Variants in EXOC3L1 observed in about 807,000 individuals in gnomAD.
The protein encoded by EXOC3L1 is exocyst complex component 3 like 1.
Under a neutral mutation model 83.6 loss-of-function variants are expected in EXOC3L1, and 79 were observed. That is an observed-to-expected ratio of 0.95 (90% CI 0.79 to 1.14). The LOEUF (loss-of-function observed/expected upper bound fraction) is 1.14. EXOC3L1 is among the 50% of genes most tolerant of loss of function. EXOC3L1 has a pLI of 0.00. For synonymous variants in EXOC3L1, 433 were observed against 451.2 expected, an observed-to-expected ratio of 0.96 and a Z score of 0.51; for missense variants, 945 against 972.0, an observed-to-expected ratio of 0.97 and a Z score of 0.37.
Position 67,184,409 on chromosome 16 carries a change from C to A in EXOC3L1, c.2226G>T (p.Leu742=). ...CLPSGSCARA[L]LLAE Reference sequence around the variant, plus strand: ...CAGCCGTGGTTTATTCTGCGAGCAGCAGGGCTCGGGCGCAGGACCCCGAGG... The same window carrying A: ...CAGCCGTGGTTTATTCTGCGAGCAGAAGGGCTCGGGCGCAGGACCCCGAGG... Residue 742 remains leucine (L), a synonymous_variant, in exon 14 of 14, where the codon CTG becomes CTT. Transcript: ENST00000314586. 6.5e-7 allele frequency: 1 copy of A among 1,534,052 alleles called. No individual in the cohort carries two copies. Among genetic ancestry groups the A allele is most frequent in the Non-Finnish European group, 8.7e-7 (1 of 1,145,778 alleles).
chr16:67,186,735 CCTGT>C lies in EXOC3L1; in HGVS notation c.1284+20_1284+23del. 6.2e-7 allele frequency: 1 copy of C among 1,613,768 alleles called. No homozygotes were observed. Among genetic ancestry groups the C allele is most frequent in the Non-Finnish European group, 8.5e-7 (1 of 1,179,944 alleles). On this transcript the variant is annotated intron_variant, in intron 7 of 13. Coordinates refer to ENST00000314586, the MANE Select transcript of EXOC3L1 (RefSeq NM_178516.4). ...CCCACTGCCCCATGGAGGCTGCCTG[CCTGT>C]CTGGCCACTTCCCACCTACCTGCAG...
chr16:67,184,887 C>A lies in EXOC3L1; in HGVS notation c.1905+15G>T. 2 of 1,611,968 alleles carry A rather than the reference C, an allele frequency of 1.2e-6. No homozygotes were observed. Among genetic ancestry groups the A allele is most frequent in the Non-Finnish European group, 1.7e-6 (2 of 1,179,848 alleles). Reference sequence around the variant, plus strand: ...CTGAGACTCTCGCCCGTCTGCCCGCCCAAGAAGCTCTCACCAAACTGAGGA... The same window carrying A: ...CTGAGACTCTCGCCCGTCTGCCCGCACAAGAAGCTCTCACCAAACTGAGGA... On this transcript the variant is annotated intron_variant, in intron 12 of 13. Coordinates refer to ENST00000314586, the MANE Select transcript of EXOC3L1 (RefSeq NM_178516.4).
At chr16:67,189,757 T>G in intron 1 of EXOC3L1, 74 bp from the exon 2 acceptor site, 1 of 1,441,690 alleles carries the variant, frequency 6.9e-7, no homozygotes, top group Non-Finnish European at 9.6e-7. Flanking sequence ...GCTGCCTCTG[T>G]CTAAGCCCTT....
At chr16:67,184,856 C>T (rs1169357821) in intron 12 of EXOC3L1, 46 bp from the exon 13 acceptor site, 2 of 1,609,438 alleles carry the variant, frequency 1.2e-6, no homozygotes, top group East Asian at 2.2e-5. Flanking sequence ...CTCTCCCACC[C>T]AGCCACTGAG....
intron 9 of EXOC3L1, 44 bp from the exon 10 acceptor site, chr16:67,185,534 C>G (rs751158538): frequency 6.4e-7 from 1 of 1,572,586 alleles, no homozygotes; most frequent in Non-Finnish European, 8.7e-7. Flanking sequence ...GGCCAAGGCC[C>G]GCATGGCCCT....
At chr16:67,189,313 G>A (rs2032819183) in intron 2 of EXOC3L1, 133 bp from the exon 3 acceptor site, 8 of 1,080,312 alleles carry the variant, frequency 7.4e-6, no homozygotes, top group Non-Finnish European at 1.0e-5. Context: ...GTCTCGCTCT[G>A]TTGCCCAGGC....
chr16:67,184,903 A>G lies in EXOC3L1; in HGVS notation c.1904T>C (p.Leu635Ser), dbSNP rs1288453203. 2 of 1,612,128 alleles carry G rather than the reference A, an allele frequency of 1.2e-6. No homozygotes were observed. Among genetic ancestry groups the G allele is most frequent in the Non-Finnish European group, 1.7e-6 (2 of 1,179,772 alleles). Reference protein sequence around the residue: ...AAQLQQLFLSLGLEENAHCAP... With the variant: ...AAQLQQLFLSSGLEENAHCAP... ...TCTGCCCGCCCAAGAAGCTCTCACC[A>G]AACTGAGGAAAAGCTGCTGAAGCTG... The change falls in exon 12 of 14, where the codon TTG becomes TCG. Residue 635 changes from leucine (L) to serine (S), a missense_variant and splice_region_variant. Coordinates refer to ENST00000314586, the MANE Select transcript of EXOC3L1 (RefSeq NM_178516.4).
rs773382848 is a variant in EXOC3L1 at position 67,187,757 on chromosome 16, C to T, written c.508G>A (p.Glu170Lys). The T allele has an allele frequency of 4.3e-6, 7 of 1,612,856 alleles. No individual in the cohort carries two copies. In the East Asian group the frequency reaches 8.9e-5, roughly 21 times the overall value. ...GCCCACGTATCCTCTCGCAGCTGCT[C>T]CAGCTCCCGAAGGCTCACATATGCC... ...LEAYVSLREL[E>K]QLREDTWAPL... Residue 170 changes from glutamate to lysine, a missense_variant, in exon 5 of 14, where the codon GAG becomes AAG. Transcript: ENST00000314586.
chr16:67,190,039 A>C lies in EXOC3L1; in HGVS notation c.-76T>G. 2 of 218,668 alleles carry C rather than the reference A, an allele frequency of 9.1e-6. No homozygotes were observed. Among genetic ancestry groups the C allele is most frequent in the Non-Finnish European group, 1.8e-5 (2 of 109,116 alleles). The allele number at this position is 218,668 out of a possible 1,614,324, so 13.5% of individuals were successfully genotyped here. A position where few individuals can be genotyped will look rare whatever the true frequency, so the allele number is the denominator to read the frequency against. ...GGCCTTGAGAACAGCCCTCTCCCCAATGCAGCTGGGCACGCCTGCCACTTG... is the reference window on the plus strand; with the variant it reads ...GGCCTTGAGAACAGCCCTCTCCCCACTGCAGCTGGGCACGCCTGCCACTTG... On this transcript the variant is annotated 5_prime_UTR_variant, in exon 1 of 14. Transcript: ENST00000314586.
Position 67,185,440 on chromosome 16 carries a change from GC to G in EXOC3L1, c.1546del (p.Ala516LeufsTer83), listed in dbSNP as rs763059087. The stretch of plus-strand genomic sequence containing the variant: ...CTCGTCCAGCGCAGCTTCCACTGGA[GC>G]CAAGGCCCCTGAAGGCGCCCCGTCC... ...QLDGAPSGAL[A>X]PVEAALDELQ... On this transcript the variant is annotated frameshift_variant, in exon 10 of 14. Coordinates refer to ENST00000314586, the MANE Select transcript of EXOC3L1 (RefSeq NM_178516.4). LOFTEE classifies it high-confidence loss of function. 11 of 1,611,512 alleles carry G rather than the reference GC, an allele frequency of 6.8e-6. No individual in the cohort carries two copies. The African/African-American group carries it at 1.5e-4, about 22-fold the overall frequency.
rs776629063 is a variant in EXOC3L1, at chr16:67,184,905, A to G, written c.1902T>C (p.Ser634=). Residue 634 remains serine, a synonymous_variant, in exon 12 of 14, where the codon AGT becomes AGC. Transcript: ENST00000314586. ...TGCCCGCCCAAGAAGCTCTCACCAA[A>G]CTGAGGAAAAGCTGCTGAAGCTGGG... ...DAAQLQQLFL[S]LGLEENAHCA... The G allele has an allele frequency of 3.1e-6, 5 of 1,612,066 alleles. No homozygotes were observed. In the East Asian group the frequency reaches 8.9e-5, roughly 29 times the overall value.
At position 67,185,002 on chromosome 16, in the gene EXOC3L1, A is replaced by C; in HGVS notation, c.1805T>G (p.Met602Arg). 5.0e-6 allele frequency: 8 copies of C among 1,610,066 alleles called. No homozygotes were observed. The highest frequency in any genetic ancestry group is 6.8e-6 in the Non-Finnish European group (8 of 1,178,670). ...TCCGCGGCACACCAGGCGGCCTTGC[A>C]TCAGCGCGCTCAGGTACTGGAGCAC... ...AVVLQYLSAL[M>R]QGRLVCRGAD... The change falls in exon 12 of 14, where the codon ATG becomes AGG. Residue 602 changes from methionine (M) to arginine (R), a missense_variant. Met to Arg is a moderately conservative substitution (Grantham distance 91). Transcript: ENST00000314586.
rs1236983373 is a variant in EXOC3L1 at position 67,184,827 on chromosome 16, A to G, written c.1906-17T>C. The stretch of plus-strand genomic sequence containing the variant: ...CTCCAGGCCCTGAGCACGTCGGGGT[A>G]GGGTCTCGCGCCAGCCCTCTCTCCC... On this transcript the variant is annotated splice_polypyrimidine_tract_variant and intron_variant, in intron 12 of 13. Transcript: ENST00000314586. 6.2e-7 allele frequency: 1 copy of G among 1,605,060 alleles called. No individual in the cohort carries two copies.
Position 67,188,866 on chromosome 16 carries a change from C to T in EXOC3L1, c.282G>A (p.Gln94=), listed in dbSNP as rs1422093820. 3 of 1,612,984 alleles carry T rather than the reference C, an allele frequency of 1.9e-6. No homozygotes were observed. In the East Asian group the frequency reaches 6.7e-5, roughly 36 times the overall value. ...WQLAQAIEVV[Q]GTREALSQAR... is the part of the protein sequence containing the mutation. The stretch of plus-strand genomic sequence containing the variant: ...CCTGGCTCAGGGCCTCCCGGGTTCC[C>T]TGCACCACCTCAATGGCCTGGGCCA... The change falls in exon 4 of 14, where the codon CAG becomes CAA. Residue 94 remains glutamine (Q), a synonymous_variant. Transcript: ENST00000314586.
Position 67,187,122 on chromosome 16 carries a change from T to C in EXOC3L1, c.1057A>G (p.Ser353Gly). The change falls in exon 6 of 14, where the codon AGC becomes GGC. Residue 353 changes from serine (S) to glycine (G), a missense_variant. By Grantham distance (56) the Ser-to-Gly change is moderately conservative. Coordinates refer to ENST00000314586, the MANE Select transcript of EXOC3L1 (RefSeq NM_178516.4). ...TCAGCCTCAGGCCCCAACTCCAGGC[T>C]CCCCATCATTTCCTGCCTGGAGATA... ...HVYLGQEMMG[S>G]LELGPEADVS... 1 of 1,613,118 alleles carries C rather than the reference T, an allele frequency of 6.2e-7. No individual in the cohort carries two copies. Among genetic ancestry groups the C allele is most frequent in the East Asian group, 2.2e-5 (1 of 44,852 alleles).
intron 9 of EXOC3L1, among the ~76,000 whole-genome samples, 156 bp downstream of exon 9, chr16:67,186,081 A>G (rs996238397): frequency 6.6e-6 from 1 of 152,210 alleles, no homozygotes; most frequent in African/African-American, 2.4e-5. Context: ...TAACTCATCC[A>G]AGGTCACACA....
In EXOC3L1 at chr16:67,185,436, T is replaced by C; in HGVS notation, c.1551A>G (p.Pro517=). The C allele has an allele frequency of 6.2e-7, 1 of 1,611,700 alleles. No homozygotes were observed. Among genetic ancestry groups the C allele is most frequent in the Non-Finnish European group, 8.5e-7 (1 of 1,179,974 alleles). ...GCAACTCGTCCAGCGCAGCTTCCAC[T>C]GGAGCCAAGGCCCCTGAAGGCGCCC... ...LDGAPSGALA[P]VEAALDELQR... is the part of the protein sequence containing the mutation. Residue 517 remains proline (P), a synonymous_variant, in exon 10 of 14, where the codon CCA becomes CCG. Coordinates refer to ENST00000314586, the MANE Select transcript of EXOC3L1 (RefSeq NM_178516.4).
chr16:67,184,881 G>A, intron 12 of EXOC3L1, 21 bp downstream of exon 12: 1 of 1,611,538 alleles, frequency 6.2e-7, no homozygotes, highest in Non-Finnish European at 8.5e-7. Context: ...TCGCCCGTCT[G>A]CCCGCCCAAG....
At position 67,189,110 on chromosome 16, in the gene EXOC3L1, G is replaced by A; in HGVS notation, c.117C>T (p.Gly39=). The A allele has an allele frequency of 1.2e-6, 2 of 1,608,386 alleles. No individual in the cohort carries two copies. Among genetic ancestry groups the A allele is most frequent in the South Asian group, 1.1e-5 (1 of 90,824 alleles). Residue 39 remains glycine (G), a synonymous_variant, in exon 3 of 14, where the codon GGC becomes GGT. Transcript: ENST00000314586. ...ARGAALKWAS[G]IFYRPEQLAR... ...CCAGCTGCTCCGGCCGGTAGAAGAT[G>A]CCTGAGGCCCACTTGAGCGCTGCAC...
Sources: gnomAD v4.1 joint callset for allele counts (sites outside exome capture counted in the v4.1 genomes callset) on GRCh38, gnomAD v4.1.1 for gene constraint, MANE v1.5 for transcripts, NCBI Gene and HGNC (gene_info 2026-07-23, HGNC 2026-07-21) for gene names.